TREML2: variants seen among roughly 807,000 people sequenced by gnomAD.
The protein encoded by TREML2 is trem-like transcript 2 protein.
In TREML2, 24 loss-of-function variants were observed where a neutral mutation model predicts 25.9. The observed-to-expected ratio is 0.93, with a 90% CI of 0.67 to 1.30. The LOEUF is 1.30. Ranked by LOEUF, TREML2 falls within the 50% of genes most tolerant of loss-of-function variation. The pLI, the probability that TREML2 is intolerant of heterozygous loss-of-function variation, is 0.00. For synonymous variants in TREML2, 139 were observed against 155.2 expected (o/e 0.90, Z 0.77); for missense variants, 359 against 395.6 (o/e 0.91, Z 0.78).
chr6:41,200,356 C>G (rs1256332693), intron 1 of TREML2, among the ~76,000 whole-genome samples: 1 of 152,120 alleles, frequency 6.6e-6, no homozygotes, highest in East Asian at 1.9e-4. Flanking sequence ...GTGCCTACAC[C>G]TCCCACCCCT....
At chr6:41,196,383 G>GAT (rs1161747639) in intron 2 of TREML2, among the ~76,000 whole-genome samples, 1 of 152,136 alleles carries the variant, frequency 6.6e-6, no homozygotes, top group Non-Finnish European at 1.5e-5. Context: ...GGGAAGGATG[G>GAT]ATAGTAAATT....
rs1379277436 is a variant in TREML2, at chr6:41,189,910, G to C, written c.*2517C>G. ...CTGCATAAGGCATGAATTTCTGGTA[G>C]CTCCCTGCTGTCCTTCTAATGTACA... On this transcript the variant is annotated 3_prime_UTR_variant, in exon 5 of 5. Coordinates refer to ENST00000483722, the MANE Select transcript of TREML2 (RefSeq NM_024807.4). 1.3e-5 allele frequency among the ~76,000 whole-genome samples: 2 copies of C among 152,190 alleles called. No homozygotes were observed. Among genetic ancestry groups the C allele is most frequent in the African/African-American group, 4.8e-5 (2 of 41,444 alleles).
rs562393290 is a variant in TREML2 at position 41,192,477 on chromosome 6, G to A, written c.916C>T (p.Arg306Cys). 2.0e-5 allele frequency: 33 copies of A among 1,614,016 alleles called. No homozygotes were observed. Among genetic ancestry groups the A allele is most frequent in the African/African-American group, 1.1e-4 (8 of 75,042 alleles). ...GGCTCTGGTCTTCCAGGTGGGTCAC[G>A]TGTAGAAGGATCGCTGCACATGCTG... ...SYSMCSDPST[R>C]DPPGRPEPYV... Residue 306 changes from arginine to cysteine, a missense_variant, in exon 5 of 5, where the codon CGT (arginine) becomes TGT (cysteine). Arg to Cys is a radical substitution (Grantham distance 180). Coordinates refer to ENST00000483722, the MANE Select transcript of TREML2 (RefSeq NM_024807.4).
rs780349398 is a variant in TREML2 at position 41,198,352 on chromosome 6, C to T, written c.133G>A (p.Gly45Ser). ...TTGCCCTCCACGCGGTTTTTGTAGC[C>T]CTTATAGGAGCACTGCACAGACAGA... ...ETLSVQCSYK[G>S]YKNRVEGKVW... The change falls in exon 2 of 5, where the codon GGC (glycine) becomes AGC (serine). Residue 45 changes from glycine to serine, a missense_variant. Physicochemically the swap from Gly to Ser is moderately conservative, Grantham distance 56. Coordinates refer to ENST00000483722, the MANE Select transcript of TREML2 (RefSeq NM_024807.4). 2.5e-5 allele frequency: 40 copies of T among 1,614,016 alleles called. No homozygotes were observed. The Middle Eastern group carries it at 4.9e-4, about 20-fold the overall frequency.
At position 41,192,472 on chromosome 6, in the gene TREML2, G is replaced by A. The variant is rs1375160422; in HGVS notation, c.921C>T (p.Asp307=). 2.5e-6 allele frequency: 4 copies of A among 1,614,034 alleles called. No individual in the cohort carries two copies. Among genetic ancestry groups the A allele is most frequent in the Non-Finnish European group, 3.4e-6 (4 of 1,179,964 alleles). The stretch of plus-strand genomic sequence containing the variant: ...CATAGGGCTCTGGTCTTCCAGGTGG[G>A]TCACGTGTAGAAGGATCGCTGCACA... ...YSMCSDPSTR[D]PPGRPEPYVE... is the part of the protein sequence containing the mutation. The change falls in exon 5 of 5, where the codon GAC becomes GAT. Residue 307 remains aspartate (D), a synonymous_variant. Transcript: ENST00000483722.
At chr6:41,193,040 G>C in intron 3 of TREML2, 139 bp from the exon 4 acceptor site, 1 of 625,608 alleles carries the variant, frequency 1.6e-6, no homozygotes, top group Non-Finnish European at 2.7e-6. Context: ...TTACAGACCC[G>C]GCCACAGAAG....
At chr6:41,195,374 C>T (rs1766143704) in intron 2 of TREML2, among the ~76,000 whole-genome samples, 1 of 152,150 alleles carries the variant, frequency 6.6e-6, no homozygotes, top group African/African-American at 2.4e-5. Flanking sequence ...CTTTTCCATC[C>T]CATTTTCTAG....
rs1326028565 is a variant in TREML2 at position 41,190,063 on chromosome 6, A to T, written c.*2364T>A. Among the ~76,000 whole-genome samples, 3 of 152,138 alleles carry T rather than the reference A, an allele frequency of 2.0e-5. No homozygotes were observed. In the East Asian group the frequency reaches 5.8e-4, roughly 29 times the overall value. On this transcript the variant is annotated 3_prime_UTR_variant, in exon 5 of 5. Transcript: ENST00000483722. ...ACCTGTGTAGTCTGTCTTATCTATGAGGCTGTGGGCATGTCTTAGGCAAGC... is the reference window on the plus strand; with the variant it reads ...ACCTGTGTAGTCTGTCTTATCTATGTGGCTGTGGGCATGTCTTAGGCAAGC...
rs1029964989 is a variant in TREML2 at position 41,189,913 on chromosome 6, C to A, written c.*2514G>T. Among the ~76,000 whole-genome samples the A allele has an allele frequency of 3.3e-5, 5 of 152,170 alleles. No homozygotes were observed. Among genetic ancestry groups the A allele is most frequent in the African/African-American group, 1.2e-4 (5 of 41,444 alleles). On this transcript the variant is annotated 3_prime_UTR_variant, in exon 5 of 5. Transcript: ENST00000483722. ...CATAAGGCATGAATTTCTGGTAGCTCCCTGCTGTCCTTCTAATGTACATGT... is the reference window on the plus strand; with the variant it reads ...CATAAGGCATGAATTTCTGGTAGCTACCTGCTGTCCTTCTAATGTACATGT...
In TREML2 at chr6:41,194,417, A is replaced by C; in HGVS notation, c.785+8T>G. The stretch of plus-strand genomic sequence containing the variant: ...CTGGTGCCACTCAACCCCAGGCCCC[A>C]CAGGTACCTGATGGAGGGCATGGAG... On this transcript the variant is annotated splice_region_variant and intron_variant, in intron 3 of 4. Coordinates refer to ENST00000483722, the MANE Select transcript of TREML2 (RefSeq NM_024807.4). 6.5e-7 allele frequency: 1 copy of C among 1,546,748 alleles called. No individual in the cohort carries two copies.
chr6:41,195,010 A>G (rs984241684), intron 2 of TREML2, among the ~76,000 whole-genome samples, 177 bp from the exon 3 acceptor site: 1 of 152,102 alleles, frequency 6.6e-6, no homozygotes, highest in African/African-American at 2.4e-5. Context: ...ATTTGTTCAG[A>G]AAGTGATATC....
intron 4 of TREML2, 71 bp downstream of exon 4, chr6:41,192,729 TC>T: frequency 7.2e-7 from 1 of 1,391,860 alleles, no homozygotes; most frequent in South Asian, 1.2e-5. Flanking sequence ...ACGTGGGGAC[TC>T]GAGGTCATAA....
At chr6:41,197,438 C>G (rs917934943) in intron 2 of TREML2, among the ~76,000 whole-genome samples, 6 of 152,158 alleles carry the variant, frequency 3.9e-5, no homozygotes, top group Admixed American at 2.6e-4. Context: ...GACCTCAGGA[C>G]CTTTGCATAT....
At chr6:41,192,987 C>A (rs879105413) in intron 3 of TREML2, 86 bp from the exon 4 acceptor site, 1 of 1,135,476 alleles carries the variant, frequency 8.8e-7, no homozygotes, top group South Asian at 1.6e-5. Flanking sequence ...CAGCAGAAAC[C>A]CTGAGAGCGT....
chr6:41,192,555 G>C, intron 4 of TREML2, 49 bp from the exon 5 acceptor site: 1 of 1,548,128 alleles, frequency 6.5e-7, no homozygotes. Context: ...TGCCCACGGT[G>C]CCCCGATGCT....
chr6:41,192,759 A>C, intron 4 of TREML2, 42 bp downstream of exon 4: 4 of 1,555,914 alleles, frequency 2.6e-6, no homozygotes, highest in Non-Finnish European at 3.5e-6. Flanking sequence ...GCAGTTACCC[A>C]GAGCTCTGCC....
rs775467032 is a variant in TREML2 at position 41,201,025 on chromosome 6, G to T, written c.-17C>A. On this transcript the variant is annotated 5_prime_UTR_variant, in exon 1 of 5. Transcript: ENST00000483722. The stretch of plus-strand genomic sequence containing the variant: ...TGGGGCCATGGTTCCATCCAGCTGG[G>T]CAGTGTCAGGCCTGGAGATCCAAGG... 4 of 1,611,218 alleles carry T rather than the reference G, an allele frequency of 2.5e-6. No homozygotes were observed. Among genetic ancestry groups the T allele is most frequent in the Non-Finnish European group, 3.4e-6 (4 of 1,178,518 alleles).
Position 41,194,799 on chromosome 6 carries a change from A to C in TREML2, c.411T>G (p.His137Gln). The change falls in exon 3 of 5, where the codon CAT (histidine) becomes CAG (glutamine). Residue 137 changes from histidine to glutamine, a missense_variant. Physicochemically the swap from His to Gln is conservative, Grantham distance 24. Transcript: ENST00000483722. ...TTCCACTCTTGAGGATGTTGTCCAG[A>C]TGTGTGAAAGGAATGTTCCTCTCAG... ...PQTERNIPFT[H>Q]LDNILKSGTV... 6.3e-7 allele frequency: 1 copy of C among 1,590,444 alleles called. No individual in the cohort carries two copies. Among genetic ancestry groups the C allele is most frequent in the East Asian group, 2.2e-5 (1 of 44,572 alleles).
chr6:41,194,732 G>A lies in TREML2; in HGVS notation c.478C>T (p.Pro160Ser), dbSNP rs545085836. 26 of 1,614,012 alleles carry A rather than the reference G, an allele frequency of 1.6e-5. 2 individuals are homozygous for A. In the East Asian group the frequency reaches 4.5e-4, roughly 28 times the overall value. ...GQAPTSGPDA[P>S]FTTGVMVFTP... ...AACACCATCACACCAGTGGTAAAAG[G>A]GGCATCAGGGCCTGAGGTAGGGGCT... Residue 160 changes from proline to serine, a missense_variant, in exon 3 of 5, where the codon CCT becomes TCT. Pro to Ser is a moderately conservative substitution (Grantham distance 74). Transcript: ENST00000483722.
Sources: gnomAD v4.1 joint callset for allele counts (sites outside exome capture counted in the v4.1 genomes callset) on GRCh38, gnomAD v4.1.1 for gene constraint, MANE v1.5 for transcripts, NCBI Gene and HGNC (gene_info 2026-07-23, HGNC 2026-07-21) for gene names.